NXN: variants seen among roughly 807,000 people sequenced by gnomAD.
NXN encodes nucleoredoxin.
Under a neutral mutation model 48.6 loss-of-function variants are expected in NXN, and 16 were observed. That is an observed-to-expected ratio of 0.33 (90% CI 0.22 to 0.50). The LOEUF is 0.50. Ranked by LOEUF, NXN falls within the 20% of genes least tolerant of loss-of-function variation. The pLI is 0.98. For missense variants in NXN, 492 were observed against 605.5 expected (o/e 0.81, Z 1.97); for synonymous variants, 281 against 269.6 (o/e 1.04, Z -0.41).
intron 1 of NXN, among the ~76,000 whole-genome samples, chr17:975,315 G>A (rs2069446004): frequency 6.6e-6 from 1 of 152,186 alleles, no homozygotes; most frequent in Non-Finnish European, 1.5e-5. Context: ...AAGATACAGT[G>A]GTGTCACAGC....
chr17:868,984 C>G (rs889497502), intron 1 of NXN, among the ~76,000 whole-genome samples: 2 of 152,188 alleles, frequency 1.3e-5, no homozygotes, highest in African/African-American at 4.8e-5. Context: ...AGTGTTGGAG[C>G]TTCCCAGGGC....
intron 1 of NXN, among the ~76,000 whole-genome samples, chr17:912,869 G>A (rs542621336): frequency 2.7e-4 from 41 of 152,134 alleles, no homozygotes; most frequent in East Asian, 7.7e-4. Flanking sequence ...CAGGAGAATC[G>A]CTTGAACCCG....
At chr17:863,426 C>T (rs940730180) in intron 1 of NXN, among the ~76,000 whole-genome samples, 2 of 152,078 alleles carry the variant, frequency 1.3e-5, no homozygotes, top group Non-Finnish European at 2.9e-5. Context: ...CTCAGCCTCC[C>T]GAAGTGCTGG....
intron 1 of NXN, among the ~76,000 whole-genome samples, chr17:877,113 T>C (rs1375334688): frequency 6.6e-6 from 1 of 151,670 alleles, no homozygotes; most frequent in Non-Finnish European, 1.5e-5. Flanking sequence ...CTTAATATAT[T>C]AAACAAACGT....
At chr17:967,790 T>C (rs1456400888) in intron 1 of NXN, among the ~76,000 whole-genome samples, 1 of 152,038 alleles carries the variant, frequency 6.6e-6, no homozygotes, top group Non-Finnish European at 1.5e-5. Flanking sequence ...GCTAATATGG[T>C]GAAACCCCAT....
At chr17:842,360 C>A (rs1597654461) in intron 1 of NXN, among the ~76,000 whole-genome samples, 1 of 152,218 alleles carries the variant, frequency 6.6e-6, no homozygotes, top group East Asian at 1.9e-4. Flanking sequence ...GGTGGCCACA[C>A]AGGTGAAGCA....
intron 1 of NXN, among the ~76,000 whole-genome samples, chr17:906,472 G>A (rs1382060442): frequency 6.6e-6 from 1 of 152,074 alleles, no homozygotes; most frequent in Non-Finnish European, 1.5e-5. Context: ...AAACTCAAAT[G>A]AAGGTGAAAA....
At chr17:885,664 G>A (rs539512832) in intron 1 of NXN, among the ~76,000 whole-genome samples, 248 of 135,378 alleles carry the variant, frequency 1.8e-3, no homozygotes, top group African/African-American at 6.2e-3. Context: ...TGGGGGCTGC[G>A]GTACTCGCTT....
intron 1 of NXN, among the ~76,000 whole-genome samples, chr17:953,141 C>T (rs922641054): frequency 6.6e-6 from 1 of 151,732 alleles, no homozygotes; most frequent in African/African-American, 2.4e-5. Flanking sequence ...CTGAGTAGCT[C>T]CCTGAAGTCC....
chr17:823,369 A>G (rs565028176), intron 3 of NXN, among the ~76,000 whole-genome samples: 8 of 152,034 alleles, frequency 5.3e-5, no homozygotes, highest in East Asian at 1.9e-4. Context: ...ACTGCACTCC[A>G]GCCTGGGTAA....
At chr17:977,624 A>G (rs901986453) in intron 1 of NXN, among the ~76,000 whole-genome samples, 2 of 152,248 alleles carry the variant, frequency 1.3e-5, no homozygotes, top group African/African-American at 4.8e-5. Context: ...ATTTTACCAT[A>G]ATTCTATGTT....
chr17:887,218 C>CA (rs1173609034), intron 1 of NXN, among the ~76,000 whole-genome samples: 1 of 152,120 alleles, frequency 6.6e-6, no homozygotes, highest in African/African-American at 2.4e-5. Context: ...CGCCTGGCCT[C>CA]AGTCTTTTAT....
rs554485383 is a variant in NXN, at chr17:940,865, T to C, written c.360+38454A>G. Among the ~76,000 whole-genome samples, 17 of 146,736 alleles carry C rather than the reference T, an allele frequency of 1.2e-4. No homozygotes were observed. In the East Asian group the frequency reaches 2.4e-3, roughly 21 times the overall value. On this transcript the variant is annotated intron_variant, in intron 1 of 7. Coordinates refer to ENST00000336868, the MANE Select transcript of NXN (RefSeq NM_022463.5). ...ATTTACAGTGAACAAGATTCCAGGG[T>C]GCAGCCATGAATTCACCAAACACCT...
At chr17:908,918 A>G (rs908803681) in intron 1 of NXN, among the ~76,000 whole-genome samples, 1 of 152,130 alleles carries the variant, frequency 6.6e-6, no homozygotes, top group Non-Finnish European at 1.5e-5. Context: ...CCTGGCCAAC[A>G]TGGTGAAACC....
At chr17:896,830 G>T in intron 1 of NXN, 2 of 1,173,818 alleles carry the variant, frequency 1.7e-6, no homozygotes, top group Non-Finnish European at 2.2e-6. Flanking sequence ...TCTCGAAGAT[G>T]CTAAAATGGA....
intron 1 of NXN, among the ~76,000 whole-genome samples, chr17:967,243 A>T (rs1462249755): frequency 6.6e-6 from 1 of 152,214 alleles, no homozygotes; most frequent in African/African-American, 2.4e-5. Flanking sequence ...TATGGGATCA[A>T]GGGCGACCAT....
chr17:899,421 A>G (rs1000366019), intron 1 of NXN, among the ~76,000 whole-genome samples: 1 of 152,202 alleles, frequency 6.6e-6, no homozygotes, highest in Non-Finnish European at 1.5e-5. Flanking sequence ...CGCTCTCCTG[A>G]GCTCATATTC....
At chr17:965,573 T>A (rs1488297474) in intron 1 of NXN, among the ~76,000 whole-genome samples, 1 of 152,160 alleles carries the variant, frequency 6.6e-6, no homozygotes, top group Non-Finnish European at 1.5e-5. Flanking sequence ...AAGTTTGGAA[T>A]CGGCTGGATT....
At chr17:939,283 G>A (rs2068942715) in intron 1 of NXN, among the ~76,000 whole-genome samples, 2 of 151,262 alleles carry the variant, frequency 1.3e-5, no homozygotes, top group Admixed American at 1.3e-4. Flanking sequence ...ATTAAATATG[G>A]TACATATATA....
Sources: gnomAD v4.1 joint callset for allele counts (sites outside exome capture counted in the v4.1 genomes callset) on GRCh38, gnomAD v4.1.1 for gene constraint, MANE v1.5 for transcripts, NCBI Gene and HGNC (gene_info 2026-07-23, HGNC 2026-07-21) for gene names.